The following KCNIP4 variants were observed in gnomAD, a reference collection of about 807,000 sequenced individuals.
KCNIP4 encodes potassium voltage-gated channel interacting protein 4, also known as Kv channel-interacting protein 4.
Under a neutral mutation model 34.0 loss-of-function variants are expected in KCNIP4, and 12 were observed. The observed-to-expected ratio is 0.35, with a 90% CI of 0.23 to 0.57. The LOEUF is 0.57. Among genes scored for constraint, KCNIP4 ranks in the 20% least tolerant of loss-of-function variants. The pLI is 0.83. For synonymous variants in KCNIP4, 124 were observed against 102.2 expected (o/e 1.21, Z -1.29); for missense variants, 238 against 311.7 (o/e 0.76, Z 1.78).
intron 1 of KCNIP4, among the ~76,000 whole-genome samples, chr4:21,556,929 A>AAAAAAAAAAAAAAAAAAAAAAAC (rs1739091307): frequency 6.8e-6 from 1 of 147,776 alleles, no homozygotes; most frequent in African/African-American, 2.5e-5. Flanking sequence ...TCAGAAAAAA[A>AAAAAAAAAAAAAAAAAAAAAAAC]AAAAAAAAAA....
chr4:21,756,414 T>A (rs1717530952), intron 1 of KCNIP4, among the ~76,000 whole-genome samples: 1 of 151,620 alleles, frequency 6.6e-6, no homozygotes, highest in Non-Finnish European at 1.5e-5. Flanking sequence ...ATTATCCGGG[T>A]ATGGTGGTGT....
chr4:21,522,494 A>G (rs1004927216), intron 1 of KCNIP4, among the ~76,000 whole-genome samples: 2 of 151,970 alleles, frequency 1.3e-5, no homozygotes, highest in African/African-American at 4.8e-5. Context: ...CTGAGTAGCT[A>G]TGACTAAATG....
intron 2 of KCNIP4, among the ~76,000 whole-genome samples, chr4:20,881,184 A>AT (rs1724641892): frequency 6.6e-6 from 1 of 152,282 alleles, no homozygotes; most frequent in Admixed American, 6.5e-5. Context: ...TATTATGATG[A>AT]TATATCACCT....
intron 1 of KCNIP4, among the ~76,000 whole-genome samples, chr4:21,367,039 C>T (rs1719848517): frequency 6.6e-6 from 1 of 152,110 alleles, no homozygotes; most frequent in Non-Finnish European, 1.5e-5. Flanking sequence ...TTCTGCCCTC[C>T]TGCCATGTGA....
At chr4:21,007,553 C>T (rs1738681905) in intron 1 of KCNIP4, among the ~76,000 whole-genome samples, 1 of 152,128 alleles carries the variant, frequency 6.6e-6, no homozygotes, top group African/African-American at 2.4e-5. Flanking sequence ...TGCCCCCGAC[C>T]CACCCAGCAA....
At chr4:21,040,886 C>T (rs28569922) in intron 1 of KCNIP4, among the ~76,000 whole-genome samples, 4,121 of 149,722 alleles carry the variant, frequency 0.028, 170 homozygotes, top group African/African-American at 0.095. Flanking sequence ...TACGCTCTCA[C>T]TTATTACATT....
intron 1 of KCNIP4, among the ~76,000 whole-genome samples, chr4:21,041,657 T>C (rs1488657808): frequency 6.6e-6 from 1 of 152,204 alleles, no homozygotes; most frequent in African/African-American, 2.4e-5. Context: ...AAACTCATCC[T>C]AATGACATGC....
chr4:21,201,479 G>T (rs574191142), intron 1 of KCNIP4, among the ~76,000 whole-genome samples: 58 of 152,106 alleles, frequency 3.8e-4, no homozygotes, highest in Non-Finnish European at 7.4e-4. Context: ...TATGAATTGT[G>T]ATCATCTACT....
At chr4:20,850,374 G>T in intron 3 of KCNIP4, 169 bp downstream of exon 3, 1 of 666,484 alleles carries the variant, frequency 1.5e-6, no homozygotes, top group Non-Finnish European at 2.5e-6. Flanking sequence ...GTGTGCCACA[G>T]AGAATCAAAG....
At chr4:21,625,885 A>G (rs1344150362) in intron 1 of KCNIP4, among the ~76,000 whole-genome samples, 2 of 152,140 alleles carry the variant, frequency 1.3e-5, no homozygotes, top group African/African-American at 4.8e-5. Context: ...GGGCCAATTC[A>G]TCTTAGTCTC....
intron 1 of KCNIP4, among the ~76,000 whole-genome samples, chr4:21,907,971 G>T (rs971653237): frequency 6.6e-6 from 1 of 151,934 alleles, no homozygotes; most frequent in East Asian, 1.9e-4. Context: ...TCACTGTGTG[G>T]GACTTTACGT....
intron 1 of KCNIP4, among the ~76,000 whole-genome samples, chr4:21,094,072 A>G (rs1747255690): frequency 1.4e-5 from 2 of 147,006 alleles, no homozygotes; most frequent in African/African-American, 5.2e-5. Context: ...ACAGAGCAAG[A>G]CTCCGTCTCA....
intron 3 of KCNIP4, among the ~76,000 whole-genome samples, chr4:20,832,837 T>G (rs938510850): frequency 2.4e-5 from 3 of 125,106 alleles, no homozygotes; most frequent in Non-Finnish European, 3.7e-5. Context: ...GAAGGGATTT[T>G]AAGGAAGACA....
chr4:21,655,523 T>C (rs959843208), intron 1 of KCNIP4, among the ~76,000 whole-genome samples: 2 of 152,214 alleles, frequency 1.3e-5, no homozygotes, highest in Non-Finnish European at 2.9e-5. Context: ...ATATTTGTGA[T>C]AAAACACATG....
At chr4:20,935,240 G>A (rs974350070) in intron 1 of KCNIP4, among the ~76,000 whole-genome samples, 9 of 152,146 alleles carry the variant, frequency 5.9e-5, no homozygotes, top group Admixed American at 5.9e-4. Flanking sequence ...ACTGAAAAAT[G>A]CTTGTTGCAG....
chr4:21,158,669 C>T lies in KCNIP4; in HGVS notation c.62-275960G>A, dbSNP rs867105264. On this transcript the variant is annotated intron_variant, in intron 1 of 8. Transcript: ENST00000382152. ...TGTGATAAAAAGCATCTTTTAAAAA[C>T]TTACAGCTAATTTAATGGTTATATT... Among the ~76,000 whole-genome samples the T allele has an allele frequency of 2.0e-5, 3 of 152,200 alleles. No homozygotes were observed. The South Asian group carries it at 6.2e-4, about 32-fold the overall frequency.
At chr4:20,741,247 C>T (rs184397034) in intron 5 of KCNIP4, among the ~76,000 whole-genome samples, 9 of 152,292 alleles carry the variant, frequency 5.9e-5, no homozygotes, top group African/African-American at 2.2e-4. Flanking sequence ...GAACTCTCCA[C>T]CCCAAATCAA....
chr4:21,123,787 T>C (rs1403920057), intron 1 of KCNIP4, among the ~76,000 whole-genome samples: 1 of 152,058 alleles, frequency 6.6e-6, no homozygotes, highest in Non-Finnish European at 1.5e-5. Flanking sequence ...GAGGAAGAGA[T>C]ACCAGAGTAC....
intron 1 of KCNIP4, among the ~76,000 whole-genome samples, chr4:21,420,900 G>A (rs1725396433): frequency 1.3e-5 from 2 of 152,130 alleles, no homozygotes; most frequent in South Asian, 2.1e-4. Flanking sequence ...TTGATAAGGG[G>A]TTAATATCAC....
Sources: allele counts gnomAD v4.1 joint callset (sites outside exome capture counted in the v4.1 genomes callset), GRCh38; gene constraint gnomAD v4.1.1; transcripts MANE v1.5; gene names NCBI Gene and HGNC (gene_info 2026-07-23, HGNC 2026-07-21).